The following SH3BGR variants were observed in gnomAD, a reference collection of about 807,000 sequenced individuals.
The protein encoded by SH3BGR is SH3 domain-binding glutamic acid-rich protein.
Under a neutral mutation model 24.5 loss-of-function variants are expected in SH3BGR, and 29 were observed. The ratio of observed to expected loss-of-function variants is 1.18; its 90% CI spans 0.88 to 1.61. SH3BGR has a LOEUF of 1.61. SH3BGR is among the 40% of genes most tolerant of loss of function. SH3BGR has a pLI of 0.00. For synonymous variants in SH3BGR, 55 were observed against 65.7 expected, an observed-to-expected ratio of 0.84 and a Z score of 0.79; for missense variants, 162 against 205.8, an observed-to-expected ratio of 0.79 and a Z score of 1.30.
chr21:39,483,115 C>A lies in SH3BGR; in HGVS notation c.312+7900C>A, dbSNP rs181287060. On this transcript the variant is annotated intron_variant, in intron 3 of 6. Coordinates refer to ENST00000333634, the MANE Select transcript of SH3BGR (RefSeq NM_007341.3). ...AACACAACTCAAATAAAACTTGTTT[C>A]AAGGCAGAAAGACACACAAATGGCA... Among the ~76,000 whole-genome samples, 33 of 152,254 alleles carry A rather than the reference C, an allele frequency of 2.2e-4. No individual in the cohort carries two copies. In the East Asian group the frequency reaches 5.8e-3, roughly 27 times the overall value.
chr21:39,473,354 G>A (rs543610926), intron 2 of SH3BGR, among the ~76,000 whole-genome samples: 1 of 152,224 alleles, frequency 6.6e-6, no homozygotes, highest in South Asian at 2.1e-4. Context: ...CCAACTTACT[G>A]CTACTACTAT....
At chr21:39,468,160 C>T (rs745482022) in intron 2 of SH3BGR, among the ~76,000 whole-genome samples, 12 of 152,148 alleles carry the variant, frequency 7.9e-5, no homozygotes, top group Admixed American at 3.3e-4. Flanking sequence ...TGAGTGTCTC[C>T]GGGTACTCAG....
chr21:39,465,851 G>A (rs1473806344), intron 2 of SH3BGR, among the ~76,000 whole-genome samples: 3 of 152,128 alleles, frequency 2.0e-5, no homozygotes, highest in African/African-American at 7.2e-5. Flanking sequence ...CTTGCCTCCC[G>A]TAGTGTTGGG....
At chr21:39,469,538 CT>C (rs1174858404) in intron 2 of SH3BGR, among the ~76,000 whole-genome samples, 18 of 151,546 alleles carry the variant, frequency 1.2e-4, no homozygotes, top group Non-Finnish European at 2.5e-4. Flanking sequence ...CACTTTTAAC[CT>C]TTTTTTCTTC....
At chr21:39,484,963 C>T (rs555670686) in intron 3 of SH3BGR, among the ~76,000 whole-genome samples, 26 of 152,180 alleles carry the variant, frequency 1.7e-4, no homozygotes, top group Non-Finnish European at 1.9e-4. Context: ...AATAGGTACT[C>T]TTGACAATTA....
intron 3 of SH3BGR, among the ~76,000 whole-genome samples, chr21:39,489,782 T>C (rs1003703132): frequency 6.6e-6 from 1 of 152,322 alleles, no homozygotes; most frequent in East Asian, 1.9e-4. Flanking sequence ...AAGCAGAAGC[T>C]TCAGTCAGGG....
chr21:39,490,817 T>C (rs1018490379), intron 3 of SH3BGR, among the ~76,000 whole-genome samples: 4 of 151,584 alleles, frequency 2.6e-5, no homozygotes, highest in African/African-American at 9.7e-5. Flanking sequence ...CAGCCTTGAC[T>C]TCCCTCCCAG....
At chr21:39,495,684 T>C (rs1039017897) in intron 3 of SH3BGR, among the ~76,000 whole-genome samples, 4 of 152,148 alleles carry the variant, frequency 2.6e-5, no homozygotes, top group Admixed American at 2.0e-4. Context: ...GATCTTGCTA[T>C]GTTGCCCAGG....
chr21:39,499,329 C>T (rs111867270), intron 3 of SH3BGR, among the ~76,000 whole-genome samples: 2,117 of 145,466 alleles, frequency 0.015, 49 homozygotes, highest in African/African-American at 0.055. Flanking sequence ...TCCATTCCTC[C>T]GTCTGTCTGT....
intron 3 of SH3BGR, chr21:39,488,201 T>C (rs2078241521): frequency 6.6e-6 from 1 of 152,348 alleles, no homozygotes; most frequent in Admixed American, 6.5e-5. Flanking sequence ...CTTTAAGCAA[T>C]ACCATCAGAA....
intron 5 of SH3BGR, among the ~76,000 whole-genome samples, chr21:39,510,947 A>ATATATATATATT (rs56347598): frequency 7.6e-6 from 1 of 132,284 alleles, no homozygotes; most frequent in African/African-American, 2.8e-5. Flanking sequence ...ATATATATAT[A>ATATATATATATT]CTTTCTGAAT....
rs2078686695 is a variant in SH3BGR, at chr21:39,511,194, TTTGG to T, written c.436-484_436-481del. On this transcript the variant is annotated intron_variant, in intron 5 of 6. Coordinates refer to ENST00000333634, the MANE Select transcript of SH3BGR (RefSeq NM_007341.3). The surrounding 1 kb of genome is among the most constrained non-coding windows in gnomAD (Gnocchi z 4.2). Reference sequence around the variant, plus strand: ...TGTGGTGTATATGGTGTGTGGTGTGTTTGGTGTGTGTGTGTGTGATGTGTGTTAT... The same window carrying T: ...TGTGGTGTATATGGTGTGTGGTGTGTTGTGTGTGTGTGTGATGTGTGTTAT... 6.7e-6 allele frequency among the ~76,000 whole-genome samples: 1 copy of T among 149,786 alleles called. No individual in the cohort carries two copies. Among genetic ancestry groups the T allele is most frequent in the African/African-American group, 2.5e-5 (1 of 40,718 alleles).
Position 39,510,233 on chromosome 21 carries a change from C to T in SH3BGR, c.435+1206C>T, listed in dbSNP as rs571070499. Among the ~76,000 whole-genome samples, 13 of 127,758 alleles carry T rather than the reference C, an allele frequency of 1.0e-4. 2 individuals are homozygous for T. Among genetic ancestry groups the T allele is most frequent in the African/African-American group, 3.9e-4 (11 of 28,440 alleles). The allele number at this position is 127,758 out of a possible 152,430, so 83.8% of individuals were successfully genotyped here. ...CTGGGATTACAGGCGTGAGCCACCG[C>T]GCCCAGCCTTTGTTAACTTTTGAAA... On this transcript the variant is annotated intron_variant, in intron 5 of 6. Coordinates refer to ENST00000333634, the MANE Select transcript of SH3BGR (RefSeq NM_007341.3).
chr21:39,506,511 C>G (rs1039411886), intron 4 of SH3BGR, among the ~76,000 whole-genome samples: 1 of 152,130 alleles, frequency 6.6e-6, no homozygotes, highest in Non-Finnish European at 1.5e-5. Flanking sequence ...ATGGACTCAC[C>G]GTTCCACATG....
At chr21:39,462,050 CGTT>C (rs1297373503) in intron 1 of SH3BGR, among the ~76,000 whole-genome samples, 1 of 151,908 alleles carries the variant, frequency 6.6e-6, no homozygotes, top group Non-Finnish European at 1.5e-5. Flanking sequence ...GGTTTCACCA[CGTT>C]GGTCAAGCTG....
At chr21:39,507,420 G>A (rs565896302) in intron 4 of SH3BGR, among the ~76,000 whole-genome samples, 8 of 151,908 alleles carry the variant, frequency 5.3e-5, no homozygotes, top group South Asian at 2.1e-4. Context: ...CGCAACCTCC[G>A]CCTCCTGGGT....
intron 2 of SH3BGR, among the ~76,000 whole-genome samples, chr21:39,467,080 A>G (rs912937313): frequency 6.6e-6 from 1 of 152,192 alleles, no homozygotes. Flanking sequence ...AAGATTTTAA[A>G]TGTCTTAGTT....
intron 2 of SH3BGR, among the ~76,000 whole-genome samples, chr21:39,462,821 T>A (rs1443473142): frequency 2.6e-5 from 4 of 152,228 alleles, no homozygotes; most frequent in Non-Finnish European, 5.9e-5. Context: ...AGAATTGAGG[T>A]CACATGTTCA....
At chr21:39,468,282 T>C (rs2837041) in intron 2 of SH3BGR, among the ~76,000 whole-genome samples, 7,480 of 152,252 alleles carry the variant, frequency 0.049, 592 homozygotes, top group African/African-American at 0.17. Flanking sequence ...TTCTGAAATA[T>C]GCCGTATGTG....
Sources: gnomAD v4.1 joint callset for allele counts (sites outside exome capture counted in the v4.1 genomes callset) on GRCh38, gnomAD v4.1.1 for gene constraint, Gnocchi (gnomAD v3.1) non-coding constraint, MANE v1.5 for transcripts, NCBI Gene and HGNC (gene_info 2026-07-23, HGNC 2026-07-21) for gene names.